The following PCBD2 variants were observed in gnomAD, a reference collection of about 807,000 sequenced individuals.
The protein encoded by PCBD2 is pterin-4 alpha-carbinolamine dehydratase 2, also known as pterin-4-alpha-carbinolamine dehydratase 2.
A neutral mutation model predicts 16.4 loss-of-function variants in PCBD2; 12 were observed. That is an observed-to-expected ratio of 0.73 (90% CI 0.47 to 1.19). PCBD2 has a LOEUF of 1.19. PCBD2 is among the 50% of genes most tolerant of loss of function. The pLI, the probability that PCBD2 is intolerant of heterozygous loss-of-function variation, is 0.00. For missense variants in PCBD2, 138 were observed against 156.8 expected (o/e 0.88, Z 0.64); for synonymous variants, 58 against 61.8 (o/e 0.94, Z 0.29).
intron 2 of PCBD2, among the ~76,000 whole-genome samples, chr5:134,934,132 A>G (rs1371224858): frequency 1.3e-5 from 2 of 152,188 alleles, no homozygotes; most frequent in East Asian, 3.8e-4. Flanking sequence ...GAAAGCAAAC[A>G]ATTCCATGTT....
At position 134,962,048 on chromosome 5, in the gene PCBD2, A is replaced by ACTGTGTCATAACAATTATTTTAAAAT; in HGVS notation, c.*1367_*1368insCTGTGTCATAACAATTATTTTAAAAT. Among the ~76,000 whole-genome samples the ACTGTGTCATAACAATTATTTTAAAAT allele has an allele frequency of 6.7e-6, 1 of 149,456 alleles. No individual in the cohort carries two copies. Among genetic ancestry groups the ACTGTGTCATAACAATTATTTTAAAAT allele is most frequent in the Non-Finnish European group, 1.5e-5 (1 of 67,696 alleles). ...AGTCCAAGGATTACAGGTGTGAGCC[A>ACTGTGTCATAACAATTATTTTAAAAT]TTGCCCCCAGCCAGTATAACAGTTT... is the stretch of plus-strand genomic sequence containing the variant. On this transcript the variant is annotated 3_prime_UTR_variant, in exon 4 of 4. Transcript: ENST00000254908.
intron 2 of PCBD2, 40 bp from the exon 3 acceptor site, chr5:134,959,000 G>A: frequency 5.9e-6 from 9 of 1,518,474 alleles, no homozygotes; most frequent in Non-Finnish European, 8.2e-6. Flanking sequence ...TTAGGGTAGA[G>A]GACAATGTCA....
chr5:134,929,597 G>A (rs1751068051), intron 2 of PCBD2, among the ~76,000 whole-genome samples: 1 of 152,140 alleles, frequency 6.6e-6, no homozygotes, highest in Non-Finnish European at 1.5e-5. Flanking sequence ...AGACCTGGTA[G>A]TCTCAGACAT....
intron 2 of PCBD2, among the ~76,000 whole-genome samples, chr5:134,939,170 AC>A (rs1207580871): frequency 6.6e-6 from 1 of 152,092 alleles, no homozygotes; most frequent in Admixed American, 6.5e-5. Flanking sequence ...TTGAAAGAAA[AC>A]CCCAACATGT....
At chr5:134,908,222 C>T (rs985353516) in intron 1 of PCBD2, among the ~76,000 whole-genome samples, 5 of 149,906 alleles carry the variant, frequency 3.3e-5, no homozygotes, top group Non-Finnish European at 5.9e-5. Flanking sequence ...GTGCCCAGCC[C>T]TAGTAAATGT....
intron 2 of PCBD2, among the ~76,000 whole-genome samples, chr5:134,930,939 A>G (rs1751085341): frequency 6.6e-6 from 1 of 151,782 alleles, no homozygotes; most frequent in Non-Finnish European, 1.5e-5. Context: ...GTTTTTTGAG[A>G]CAGAGTCTTG....
rs766592984 is a variant in PCBD2 at position 134,910,341 on chromosome 5, G to A, written c.91G>A (p.Gly31Ser). 2 of 1,613,806 alleles carry A rather than the reference G, an allele frequency of 1.2e-6. No homozygotes were observed. Among genetic ancestry groups the A allele is most frequent in the Non-Finnish European group, 1.7e-6 (2 of 1,179,840 alleles). The change falls in exon 2 of 4, where the codon GGT becomes AGT. Residue 31 changes from glycine (G) to serine (S), a missense_variant. Physicochemically the swap from Gly to Ser is moderately conservative, Grantham distance 56. Transcript: ENST00000254908. ...AAATGTGTTCTCTTCATAGTCATCA[G>A]GTACTCACAGGTTGACTGCAGAGGA... ...QSLGLAAMSS[G>S]THRLTAEERN... is the part of the protein sequence containing the mutation.
chr5:134,913,055 G>A (rs1750787098), intron 2 of PCBD2, among the ~76,000 whole-genome samples: 1 of 152,108 alleles, frequency 6.6e-6, no homozygotes, highest in Non-Finnish European at 1.5e-5. Context: ...TGCCAAGTAT[G>A]CCAGAGCATG....
At chr5:134,924,916 G>A in intron 2 of PCBD2, 1 of 390,844 alleles carries the variant, frequency 2.6e-6, no homozygotes, top group Non-Finnish European at 4.5e-6. Flanking sequence ...ATACAGTGGG[G>A]ATTTTATTTT....
chr5:134,950,581 T>G (rs556643759), intron 2 of PCBD2, among the ~76,000 whole-genome samples: 230 of 152,262 alleles, frequency 1.5e-3, no homozygotes, highest in African/African-American at 5.0e-3. Context: ...TTAAGAAAAA[T>G]TAAAGTTCCC....
intron 2 of PCBD2, among the ~76,000 whole-genome samples, chr5:134,915,334 CA>C (rs1398318972): frequency 6.6e-6 from 1 of 150,944 alleles, no homozygotes; most frequent in Non-Finnish European, 1.5e-5. Flanking sequence ...AAAAAAAGGA[CA>C]TATCCATTGT....
intron 2 of PCBD2, among the ~76,000 whole-genome samples, chr5:134,919,726 G>C (rs1456629468): frequency 6.6e-6 from 1 of 152,172 alleles, no homozygotes; most frequent in African/African-American, 2.4e-5. Context: ...CTCAATAATT[G>C]CAGAAAATAA....
At position 134,905,851 on chromosome 5, in the gene PCBD2, C is replaced by G. The variant is rs535903265; in HGVS notation, c.84+628C>G. On this transcript the variant is annotated intron_variant, in intron 1 of 3. Coordinates refer to ENST00000254908, the MANE Select transcript of PCBD2 (RefSeq NM_032151.5). The stretch of plus-strand genomic sequence containing the variant: ...TCATTTTAAGTTGCATTTTAACCGC[C>G]CATTTCAGTTTGAAATGTTTTGTTT... Among the ~76,000 whole-genome samples the G allele has an allele frequency of 3.8e-3, 581 of 152,232 alleles. 1 individual carries two copies. The highest frequency in any genetic ancestry group is 6.6e-3 in the Non-Finnish European group (450 of 68,008).
At chr5:134,928,107 C>A (rs749860450) in intron 2 of PCBD2, 11 of 393,016 alleles carry the variant, frequency 2.8e-5, no homozygotes, top group Non-Finnish European at 4.5e-5. Context: ...AGGGCTAGGC[C>A]TACTGCTGCC....
intron 2 of PCBD2, chr5:134,924,301 TG>T (rs1561909035): frequency 2.5e-6 from 1 of 395,182 alleles, no homozygotes; most frequent in Admixed American, 4.4e-5. Flanking sequence ...TTAATTTATT[TG>T]GGGGGAATGA....
At chr5:134,938,126 G>A (rs1751183275) in intron 2 of PCBD2, among the ~76,000 whole-genome samples, 1 of 152,196 alleles carries the variant, frequency 6.6e-6, no homozygotes, top group Non-Finnish European at 1.5e-5. Context: ...CTCACACGAG[G>A]AAACGTTTTA....
rs1244432519 is a variant in PCBD2 at position 134,926,296 on chromosome 5, A to G, written c.216+15830A>G. On this transcript the variant is annotated intron_variant, in intron 2 of 3. Transcript: ENST00000254908. The stretch of plus-strand genomic sequence containing the variant: ...GATAATGACTTCTTGGTCTAGGTAT[A>G]TGAATATTGTTGTGGGGAAGAGACT... The G allele has an allele frequency of 3.4e-5, 12 of 350,868 alleles. No homozygotes were observed. The East Asian group carries it at 5.0e-4, about 15-fold the overall frequency. 21.7% of individuals were successfully genotyped at this position (350,868 alleles called of 1,614,324 possible).
intron 2 of PCBD2, among the ~76,000 whole-genome samples, chr5:134,954,281 A>G (rs1027267903): frequency 6.6e-6 from 1 of 152,184 alleles, no homozygotes; most frequent in Non-Finnish European, 1.5e-5. Context: ...AGTTTTACAC[A>G]TTTAAGTATA....
Position 134,944,948 on chromosome 5 carries a change from T to C in PCBD2, c.217-14092T>C, listed in dbSNP as rs79378319. ...TTGTGTCCCAACAGGACATAAATTA[T>C]GAAGATTGTTACAGTATGTTTCATC... On this transcript the variant is annotated intron_variant, in intron 2 of 3. Transcript: ENST00000254908. Among the ~76,000 whole-genome samples the C allele has an allele frequency of 3.5e-3, 526 of 152,344 alleles. 8 individuals carry two copies. In the East Asian group the frequency reaches 0.039, roughly 11 times the overall value.
Sources: gnomAD v4.1 joint callset for allele counts (sites outside exome capture counted in the v4.1 genomes callset) on GRCh38, gnomAD v4.1.1 for gene constraint, MANE v1.5 for transcripts, NCBI Gene and HGNC (gene_info 2026-07-23, HGNC 2026-07-21) for gene names.